Variants in EYA2 observed in about 807,000 individuals in gnomAD.
EYA2 encodes protein phosphatase EYA2.
In EYA2, 31 loss-of-function variants were observed where a neutral mutation model predicts 69.2. The ratio of observed to expected loss-of-function variants is 0.45; its 90% CI spans 0.34 to 0.60. The LOEUF (loss-of-function observed/expected upper bound fraction) is 0.60. Among genes scored for constraint, EYA2 ranks in the 20% least tolerant of loss-of-function variants. The probability of loss-of-function intolerance (pLI) is 0.02; values close to 1 mark genes in which losing one functional copy is unlikely to be tolerated. For synonymous variants in EYA2, 257 were observed against 279.4 expected, an observed-to-expected ratio of 0.92 and a Z score of 0.80; for missense variants, 622 against 701.2, an observed-to-expected ratio of 0.89 and a Z score of 1.28.
intron 9 of EYA2, among the ~76,000 whole-genome samples, chr20:47,127,809 A>C (rs2033236713): frequency 6.6e-6 from 1 of 152,240 alleles, no homozygotes; most frequent in Non-Finnish European, 1.5e-5. Flanking sequence ...TTCTTAGAGC[A>C]AGGGCCGTAG....
chr20:46,899,061 G>T (rs574656229), intron 1 of EYA2, among the ~76,000 whole-genome samples: 2 of 152,104 alleles, frequency 1.3e-5, no homozygotes, highest in African/African-American at 4.8e-5. Context: ...GATTCTTGCC[G>T]CAACCCCTTG....
intron 1 of EYA2, among the ~76,000 whole-genome samples, chr20:46,956,555 G>A (rs1042864825): frequency 5.9e-5 from 9 of 152,192 alleles, no homozygotes; most frequent in African/African-American, 1.2e-4. Flanking sequence ...AGAAAAGAGA[G>A]GGAAGGGTCT....
intron 1 of EYA2, among the ~76,000 whole-genome samples, chr20:46,944,888 G>A (rs924717176): frequency 1.3e-5 from 2 of 152,130 alleles, no homozygotes; most frequent in Non-Finnish European, 2.9e-5. Flanking sequence ...CGGATCTCTT[G>A]AGCCCAGTAG....
chr20:46,935,496 A>G (rs1243579234), intron 1 of EYA2, among the ~76,000 whole-genome samples: 1 of 152,212 alleles, frequency 6.6e-6, no homozygotes, highest in African/African-American at 2.4e-5. Context: ...ACTGTCTTCA[A>G]GGGACATCCA....
chr20:47,178,821 G>GTGGATGGATGGATAT (rs2034475443), intron 12 of EYA2, among the ~76,000 whole-genome samples: 60 of 109,056 alleles, frequency 5.5e-4, no homozygotes, highest in East Asian at 1.1e-3. Context: ...GGATGGGTGG[G>GTGGATGGATGGATAT]TGGGTGGATG....
In EYA2 at chr20:47,039,102, A is replaced by G. The variant is rs534503657; in HGVS notation, c.415+22805A>G. On this transcript the variant is annotated intron_variant, in intron 5 of 15. Coordinates refer to ENST00000327619, the MANE Select transcript of EYA2 (RefSeq NM_005244.5). The stretch of plus-strand genomic sequence containing the variant: ...TGGGCTTAGCAAAAAACCAGAGCAG[A>G]TGTCGAAATCACACACACACACACA... Among the ~76,000 whole-genome samples the G allele has an allele frequency of 6.4e-3, 759 of 118,494 alleles. 9 individuals are homozygous for G. Among genetic ancestry groups the G allele is most frequent in the African/African-American group, 0.021 (719 of 34,352 alleles). 77.7% of individuals were successfully genotyped at this position (118,494 alleles called of 152,430 possible). A position where few individuals can be genotyped will look rare whatever the true frequency, so the allele number is the denominator to read the frequency against.
At chr20:46,965,581 C>A (rs989088384) in intron 1 of EYA2, among the ~76,000 whole-genome samples, 1 of 152,244 alleles carries the variant, frequency 6.6e-6, no homozygotes, top group African/African-American at 2.4e-5. Context: ...CTGAGTCTGA[C>A]CTAAGCGTGC....
intron 9 of EYA2, among the ~76,000 whole-genome samples, chr20:47,101,872 C>T (rs2032432578): frequency 6.6e-6 from 1 of 152,182 alleles, no homozygotes; most frequent in Non-Finnish European, 1.5e-5. Context: ...CATGACAGAA[C>T]CAAAACTCAT....
At chr20:46,915,184 A>G (rs569518693) in intron 1 of EYA2, among the ~76,000 whole-genome samples, 4 of 152,308 alleles carry the variant, frequency 2.6e-5, no homozygotes, top group African/African-American at 4.8e-5. Context: ...GCAACAAGCA[A>G]ATCCCCAGAT....
rs1984979011 is a variant in EYA2, at chr20:47,040,234, T to C, written c.415+23937T>C. 5.3e-5 allele frequency among the ~76,000 whole-genome samples: 8 copies of C among 152,330 alleles called. No homozygotes were observed. In the South Asian group the frequency reaches 1.7e-3, roughly 32 times the overall value. ...CATTTTAAGCACAGAAGGCCATCTT[T>C]TCTACAGTATTGGTTCTATCTGCTA... On this transcript the variant is annotated intron_variant, in intron 5 of 15. Coordinates refer to ENST00000327619, the MANE Select transcript of EYA2 (RefSeq NM_005244.5).
intron 10 of EYA2, among the ~76,000 whole-genome samples, chr20:47,165,546 A>G (rs374571528): frequency 1.8e-3 from 276 of 152,294 alleles, no homozygotes; most frequent in African/African-American, 6.2e-3. Context: ...GTTGGTCTCC[A>G]GGCCTTAAGA....
chr20:46,990,578 C>A, intron 2 of EYA2, among the ~76,000 whole-genome samples: 1 of 152,198 alleles, frequency 6.6e-6, no homozygotes, highest in East Asian at 1.9e-4. Flanking sequence ...GGGTTGGAGT[C>A]AAGGAAGCAG....
chr20:47,012,980 C>T (rs6124916), intron 4 of EYA2, among the ~76,000 whole-genome samples: 39,156 of 152,180 alleles, frequency 0.26, 5,209 homozygotes, highest in South Asian at 0.31. Context: ...CGAAGGCCCT[C>T]GTGCGCCTTT....
chr20:46,992,237 TTA>T (rs952584625), intron 2 of EYA2, among the ~76,000 whole-genome samples: 2 of 152,166 alleles, frequency 1.3e-5, no homozygotes, highest in African/African-American at 2.4e-5. Flanking sequence ...ATTAACTCAT[TTA>T]ATCTTCACAA....
At chr20:47,070,585 T>C (rs1157679218) in intron 5 of EYA2, among the ~76,000 whole-genome samples, 1 of 152,282 alleles carries the variant, frequency 6.6e-6, no homozygotes, top group Admixed American at 6.5e-5. Flanking sequence ...CAAAGACTTG[T>C]ATGTGAATGC....
intron 15 of EYA2, among the ~76,000 whole-genome samples, chr20:47,186,240 A>C (rs1284573641): frequency 1.3e-5 from 2 of 151,218 alleles, no homozygotes; most frequent in African/African-American, 4.9e-5. Flanking sequence ...AGAAGGCCCC[A>C]CTGGGGTCTG....
intron 5 of EYA2, among the ~76,000 whole-genome samples, chr20:47,027,319 G>A (rs1226350481): frequency 6.6e-6 from 1 of 152,234 alleles, no homozygotes; most frequent in Non-Finnish European, 1.5e-5. Context: ...GTCAAGACAG[G>A]AGCCAGTCTT....
At chr20:47,051,817 G>T (rs184137580) in intron 5 of EYA2, among the ~76,000 whole-genome samples, 48 of 152,182 alleles carry the variant, frequency 3.2e-4, no homozygotes, top group South Asian at 2.1e-4. Flanking sequence ...TCAGTGAAAC[G>T]ATTGAAAGGA....
chr20:47,139,622 GT>G (rs1024206121), intron 9 of EYA2, among the ~76,000 whole-genome samples: 1 of 152,050 alleles, frequency 6.6e-6, no homozygotes, highest in Admixed American at 6.6e-5. Flanking sequence ...TGGAGACGGG[GT>G]TTCTCCATGT....
Sources: allele counts gnomAD v4.1 joint callset (sites outside exome capture counted in the v4.1 genomes callset), GRCh38; gene constraint gnomAD v4.1.1; transcripts MANE v1.5; gene names NCBI Gene and HGNC (gene_info 2026-07-23, HGNC 2026-07-21).